The following GABRB2 variants were observed in gnomAD, a reference collection of about 807,000 sequenced individuals.
GABRB2 encodes the protein gamma-aminobutyric acid receptor subunit beta-2.
In GABRB2, 16 loss-of-function variants were observed where a neutral mutation model predicts 54.7. The ratio of observed to expected loss-of-function variants is 0.29; its 90% CI spans 0.20 to 0.44. The LOEUF (loss-of-function observed/expected upper bound fraction) is 0.44. Ranked by LOEUF, GABRB2 falls within the 20% of genes least tolerant of loss-of-function variation. The probability of loss-of-function intolerance (pLI) is 1.00; values close to 1 mark genes in which losing one functional copy is unlikely to be tolerated. For missense variants in GABRB2, 355 were observed against 644.0 expected, an observed-to-expected ratio of 0.55 and a Z score of 4.86; for synonymous variants, 244 against 233.8, an observed-to-expected ratio of 1.04 and a Z score of -0.40.
At chr5:161,331,743 G>T (rs1289860509) in intron 7 of GABRB2, among the ~76,000 whole-genome samples, 1 of 152,058 alleles carries the variant, frequency 6.6e-6, no homozygotes, top group Non-Finnish European at 1.5e-5. Context: ...CCTAATGGGG[G>T]AGTTTGAACT....
chr5:161,330,869 C>T lies in GABRB2; in HGVS notation c.1077+14G>A. 1 of 1,614,144 alleles carries T rather than the reference C, an allele frequency of 6.2e-7. No homozygotes were observed. Among genetic ancestry groups the T allele is most frequent in the Non-Finnish European group, 8.5e-7 (1 of 1,180,010 alleles). The stretch of plus-strand genomic sequence containing the variant: ...GAGTTTAAGAAGCAAGGAGGGCTTG[C>T]CCTCTGAATTTACCTTGTTGACATC... On this transcript the variant is annotated intron_variant, in intron 8 of 9. Coordinates refer to ENST00000393959, the MANE Select transcript of GABRB2 (RefSeq NM_001371727.1).
intron 3 of GABRB2, among the ~76,000 whole-genome samples, chr5:161,530,920 C>T (rs948187825): frequency 6.6e-6 from 1 of 152,072 alleles, no homozygotes; most frequent in Non-Finnish European, 1.5e-5. Context: ...AGCACACTGG[C>T]TTAACGGTGC....
chr5:161,543,237 A>G (rs564307456), intron 3 of GABRB2, among the ~76,000 whole-genome samples: 14 of 152,300 alleles, frequency 9.2e-5, no homozygotes, highest in African/African-American at 2.9e-4. Flanking sequence ...CCTTGCCTTA[A>G]CTGGATCTAT....
intron 3 of GABRB2, among the ~76,000 whole-genome samples, chr5:161,530,816 AT>A (rs1760436006): frequency 6.6e-6 from 1 of 152,134 alleles, no homozygotes; most frequent in Non-Finnish European, 1.5e-5. Context: ...ATGCATACTA[AT>A]AGGATTCAAG....
chr5:161,372,757 G>C lies in GABRB2; in HGVS notation c.542-35988C>G, dbSNP rs778901926. Among the ~76,000 whole-genome samples the C allele has an allele frequency of 1.3e-4, 20 of 152,080 alleles. 1 individual carries two copies. Among genetic ancestry groups the C allele is most frequent in the Non-Finnish European group, 1.9e-4 (13 of 68,034 alleles). The stretch of plus-strand genomic sequence containing the variant: ...TTAAAATTCACATCAATTCCAGCTG[G>C]GTATTGTAATTCCCTTTTTTACAGA... On this transcript the variant is annotated intron_variant, in intron 5 of 9. Transcript: ENST00000393959.
Position 161,546,587 on chromosome 5 carries a change from GATT to G in GABRB2, c.54_56del (p.Ile19del), listed in dbSNP as rs761010140. ...CTTACCTCTGCGCACAGACAGCGGC[GATT>G]ATTAAGGGGAAGGACCAAATCCCAA... On this transcript the variant is annotated inframe_deletion, in exon 1 of 10. Transcript: ENST00000393959. The G allele has an allele frequency of 6.3e-7, 1 of 1,599,940 alleles. No individual in the cohort carries two copies. The highest frequency in any genetic ancestry group is 1.7e-5 in the Admixed American group (1 of 57,858).
At chr5:161,305,914 A>G (rs1273863846) in intron 9 of GABRB2, among the ~76,000 whole-genome samples, 1 of 152,252 alleles carries the variant, frequency 6.6e-6, no homozygotes, top group Admixed American at 6.5e-5. Flanking sequence ...AGTGCACATC[A>G]CTAAGAGGGA....
chr5:161,328,027 G>A (rs1025381749), intron 8 of GABRB2, among the ~76,000 whole-genome samples: 8 of 152,152 alleles, frequency 5.3e-5, no homozygotes, highest in African/African-American at 1.4e-4. Context: ...AGTCTGGAAA[G>A]CTTGATGGTC....
chr5:161,319,520 G>A (rs1218400780), intron 9 of GABRB2, among the ~76,000 whole-genome samples: 1 of 150,680 alleles, frequency 6.6e-6, no homozygotes, highest in Admixed American at 6.6e-5. Flanking sequence ...GTGGTTATGA[G>A]GTAGTTTGCT....
intron 5 of GABRB2, among the ~76,000 whole-genome samples, chr5:161,360,238 A>C (rs969906872): frequency 1.3e-5 from 2 of 152,206 alleles, no homozygotes; most frequent in Non-Finnish European, 2.9e-5. Flanking sequence ...CTCTTTAGAA[A>C]AAAAAATGAC....
chr5:161,326,629 A>T, intron 8 of GABRB2, 148 bp from the exon 9 acceptor site: 1 of 1,035,298 alleles, frequency 9.7e-7, no homozygotes, highest in Non-Finnish European at 1.3e-6. Context: ...GAATTTGAGT[A>T]AGTTTTTAAA....
chr5:161,521,377 T>C (rs759394750), intron 3 of GABRB2, among the ~76,000 whole-genome samples: 1 of 151,974 alleles, frequency 6.6e-6, no homozygotes, highest in Non-Finnish European at 1.5e-5. Context: ...AGAATTCTAG[T>C]TGAAATTCTA....
chr5:161,353,230 T>A (rs894321860), intron 5 of GABRB2, among the ~76,000 whole-genome samples: 1 of 152,070 alleles, frequency 6.6e-6, no homozygotes, highest in African/African-American at 2.4e-5. Flanking sequence ...AGCTACTAAG[T>A]GCTCACTCAG....
intron 9 of GABRB2, among the ~76,000 whole-genome samples, chr5:161,301,796 G>A (rs537489863): frequency 6.6e-6 from 1 of 152,108 alleles, no homozygotes; most frequent in Admixed American, 6.5e-5. Flanking sequence ...AGGTTTTTTG[G>A]AGAGGCTCTA....
chr5:161,393,070 C>T (rs1212180906), intron 5 of GABRB2, among the ~76,000 whole-genome samples: 2 of 151,660 alleles, frequency 1.3e-5, no homozygotes, highest in African/African-American at 4.8e-5. Flanking sequence ...ATTTCTTACA[C>T]AGATCTTTTT....
intron 5 of GABRB2, among the ~76,000 whole-genome samples, chr5:161,367,995 T>A (rs1461453327): frequency 2.6e-5 from 4 of 152,100 alleles, no homozygotes; most frequent in African/African-American, 9.7e-5. Flanking sequence ...GCATACCTGA[T>A]GTAGGTAGAA....
At chr5:161,433,687 T>C (rs923944261) in intron 4 of GABRB2, among the ~76,000 whole-genome samples, 4 of 152,080 alleles carry the variant, frequency 2.6e-5, no homozygotes, top group Non-Finnish European at 2.9e-5. Flanking sequence ...ATTACCCTCT[T>C]CTCATCAATT....
chr5:161,452,759 C>T (rs1394343530), intron 4 of GABRB2, among the ~76,000 whole-genome samples: 3 of 151,934 alleles, frequency 2.0e-5, no homozygotes, highest in Non-Finnish European at 4.4e-5. Flanking sequence ...TTTGGGAAGC[C>T]GAGGCAGGTG....
chr5:161,476,467 A>T (rs1758593990), intron 3 of GABRB2, among the ~76,000 whole-genome samples: 3 of 151,866 alleles, frequency 2.0e-5, no homozygotes, highest in Non-Finnish European at 4.4e-5. Flanking sequence ...AGAAAACCTC[A>T]ATATACCCCA....
Sources: gnomAD v4.1 joint callset for allele counts (sites outside exome capture counted in the v4.1 genomes callset) on GRCh38, gnomAD v4.1.1 for gene constraint, MANE v1.5 for transcripts, NCBI Gene and HGNC (gene_info 2026-07-23, HGNC 2026-07-21) for gene names.